ASTN2: variants seen among roughly 807,000 people sequenced by gnomAD.
The protein encoded by ASTN2 is astrotactin 2.
A neutral mutation model predicts 139.8 loss-of-function variants in ASTN2; 54 were observed. The observed-to-expected ratio is 0.39, with a 90% CI of 0.31 to 0.48. ASTN2 has a LOEUF of 0.48. Ranked by LOEUF, ASTN2 falls within the 20% of genes least tolerant of loss-of-function variation. ASTN2 has a pLI of 0.95. For synonymous variants in ASTN2, 756 were observed against 719.5 expected (o/e 1.05, Z -0.81); for missense variants, 1,565 against 1,725.1 (o/e 0.91, Z 1.64).
intron 10 of ASTN2, among the ~76,000 whole-genome samples, chr9:116,884,170 T>C (rs190589617): frequency 3.0e-3 from 453 of 152,182 alleles, no homozygotes; most frequent in Admixed American, 5.9e-3. Context: ...CAGGCAGGCT[T>C]CTAGACAGTC....
At chr9:116,927,021 A>G (rs1834772710) in intron 10 of ASTN2, among the ~76,000 whole-genome samples, 1 of 152,236 alleles carries the variant, frequency 6.6e-6, no homozygotes, top group Non-Finnish European at 1.5e-5. Context: ...AAGTTTTAGA[A>G]AAACTAATTA....
At chr9:116,821,977 T>C (rs949615293) in intron 11 of ASTN2, among the ~76,000 whole-genome samples, 1 of 151,910 alleles carries the variant, frequency 6.6e-6, no homozygotes, top group Non-Finnish European at 1.5e-5. Flanking sequence ...AGGTACTGGG[T>C]TTTTATTTCA....
Position 117,414,653 on chromosome 9 carries a change from C to T in ASTN2, c.286G>A (p.Ala96Thr). Residue 96 changes from alanine (A) to threonine (T), a missense_variant, in exon 1 of 23, where the codon GCC becomes ACC. Around this residue, in one of 4 missense-constraint regions of ASTN2, gnomAD observed 596 missense variants for 576.8 expected, o/e 1.03. Coordinates refer to ENST00000313400, the MANE Select transcript of ASTN2 (RefSeq NM_001365068.1). This position sits in a 1 kb window ranked among gnomAD's most constrained non-coding sequence, Gnocchi z 4.2. ...GACGCGGCGGCGGCGGCGGCTCCGG[C>T]CCCGGTCCCAGCCCCGGCCCCGGCG... ...ARAGAGAGTG[A>T]GAAAAAASPG... is the part of the protein sequence containing the mutation. The T allele has an allele frequency of 2.9e-6, 4 of 1,358,258 alleles. No homozygotes were observed. The highest frequency in any genetic ancestry group is 1.8e-5 in the South Asian group (1 of 55,470). The allele number at this position is 1,358,258 out of a possible 1,614,324, so 84.1% of individuals were successfully genotyped here. A position where few individuals can be genotyped will look rare whatever the true frequency, so the allele number is the denominator to read the frequency against.
rs78369396 is a variant in ASTN2 at position 117,198,066 on chromosome 9, C to A, written c.1015+16292G>T. Among the ~76,000 whole-genome samples, 165 of 149,302 alleles carry A rather than the reference C, an allele frequency of 1.1e-3. No individual in the cohort carries two copies. The East Asian group carries it at 0.029, about 26-fold the overall frequency. ...TATGTAGTTTTTTTTTCCTTTATTT[C>A]TTCTAAACAAAAGGGGGGTACATAC... On this transcript the variant is annotated intron_variant, in intron 3 of 22. Coordinates refer to ENST00000313400, the MANE Select transcript of ASTN2 (RefSeq NM_001365068.1).
chr9:117,157,180 G>C (rs1830451088), intron 3 of ASTN2, among the ~76,000 whole-genome samples: 1 of 152,008 alleles, frequency 6.6e-6, no homozygotes, highest in Non-Finnish European at 1.5e-5. Flanking sequence ...TAGACAGGAG[G>C]GAAGCCCACA....
At chr9:117,012,399 A>T (rs1837562352) in intron 6 of ASTN2, among the ~76,000 whole-genome samples, 1 of 152,206 alleles carries the variant, frequency 6.6e-6, no homozygotes, top group African/African-American at 2.4e-5. Context: ...TCAGAGCCTG[A>T]AAAGAAGTAA....
chr9:116,726,503 C>A (rs1195815476), intron 15 of ASTN2, among the ~76,000 whole-genome samples: 2 of 152,192 alleles, frequency 1.3e-5, no homozygotes, highest in African/African-American at 2.4e-5. Context: ...CCAAACAAAC[C>A]AGGGCTTGAA....
chr9:117,032,487 G>A lies in ASTN2; in HGVS notation c.1423+7332C>T, dbSNP rs139662661. Among the ~76,000 whole-genome samples the A allele has an allele frequency of 2.9e-3, 441 of 152,268 alleles. 2 individuals are homozygous for A. Among genetic ancestry groups the A allele is most frequent in the African/African-American group, 0.01 (428 of 41,570 alleles). ...CTGGGATGATTTCATAGAGCAGGAT[G>A]TCCAAGGAACTACTCGTTTTAAATA... is the stretch of plus-strand genomic sequence containing the variant. On this transcript the variant is annotated intron_variant, in intron 6 of 22. Coordinates refer to ENST00000313400, the MANE Select transcript of ASTN2 (RefSeq NM_001365068.1).
intron 1 of ASTN2, among the ~76,000 whole-genome samples, chr9:117,299,240 T>C (rs1297024859): frequency 6.6e-6 from 1 of 152,206 alleles, no homozygotes; most frequent in Non-Finnish European, 1.5e-5. Context: ...CTCTACGTTT[T>C]TTATACTGAC....
At chr9:117,144,417 C>T (rs946852649) in intron 3 of ASTN2, among the ~76,000 whole-genome samples, 5 of 152,164 alleles carry the variant, frequency 3.3e-5, no homozygotes, top group Admixed American at 1.3e-4. Context: ...GTCCAACCTG[C>T]GGCCCAGGGG....
At chr9:116,686,639 G>T in intron 16 of ASTN2, 1 of 1,501,712 alleles carries the variant, frequency 6.7e-7, no homozygotes, top group Non-Finnish European at 9.1e-7. Context: ...CTCCCACCTG[G>T]TAAGATTCCT....
At chr9:116,784,302 A>G (rs1830302897) in intron 13 of ASTN2, among the ~76,000 whole-genome samples, 1 of 152,228 alleles carries the variant, frequency 6.6e-6, no homozygotes, top group Non-Finnish European at 1.5e-5. Context: ...AAGTTTTTAC[A>G]TGCAGAACAG....
At chr9:117,047,950 C>T (rs1838793082) in intron 5 of ASTN2, among the ~76,000 whole-genome samples, 1 of 152,142 alleles carries the variant, frequency 6.6e-6, no homozygotes, top group Non-Finnish European at 1.5e-5. Context: ...AGTATCTCAT[C>T]TAATCTTTAC....
chr9:117,272,506 C>A (rs1209196846), intron 2 of ASTN2, among the ~76,000 whole-genome samples: 4 of 152,120 alleles, frequency 2.6e-5, no homozygotes, highest in South Asian at 2.1e-4. Context: ...AATTTCTCTT[C>A]AAAAAAATGG....
chr9:116,829,032 C>G (rs78764108), intron 11 of ASTN2, among the ~76,000 whole-genome samples: 2,251 of 151,890 alleles, frequency 0.015, 58 homozygotes, highest in African/African-American at 0.052. Flanking sequence ...CACAGAGAAA[C>G]ATCCCATGCT....
At chr9:117,355,741 G>A (rs996050771) in intron 1 of ASTN2, among the ~76,000 whole-genome samples, 8 of 152,222 alleles carry the variant, frequency 5.3e-5, no homozygotes, top group South Asian at 4.1e-4. Context: ...AGAGTCTGTC[G>A]GCAATCAAAC....
intron 5 of ASTN2, among the ~76,000 whole-genome samples, chr9:117,056,923 G>A (rs927256375): frequency 2.6e-5 from 4 of 152,188 alleles, no homozygotes; most frequent in Non-Finnish European, 5.9e-5. Context: ...AAGGAATCAC[G>A]TCTTTCAAAG....
intron 16 of ASTN2, among the ~76,000 whole-genome samples, chr9:116,658,660 C>A (rs562294051): frequency 4.6e-5 from 7 of 151,170 alleles, no homozygotes; most frequent in Admixed American, 3.3e-4. Flanking sequence ...ATAAAGATGC[C>A]AGGACCAGAG....
At chr9:116,475,926 C>T (rs1848966012) in intron 20 of ASTN2, among the ~76,000 whole-genome samples, 1 of 152,196 alleles carries the variant, frequency 6.6e-6, no homozygotes, top group South Asian at 2.1e-4. Flanking sequence ...TCTCTCGTCC[C>T]CCAGCCTGCT....
Sources: gnomAD v4.1 joint callset for allele counts (sites outside exome capture counted in the v4.1 genomes callset) on GRCh38, gnomAD v4.1.1 for gene constraint, gnomAD v4.1.1 regional missense constraint, Gnocchi (gnomAD v3.1) non-coding constraint, MANE v1.5 for transcripts, NCBI Gene and HGNC (gene_info 2026-07-23, HGNC 2026-07-21) for gene names.